GALNTL6: variants seen among roughly 807,000 people sequenced by gnomAD.
GALNTL6 encodes the protein polypeptide N-acetylgalactosaminyltransferase-like 6.
In GALNTL6, 46 loss-of-function variants were observed where a neutral mutation model predicts 73.7. The observed-to-expected ratio is 0.62, with a 90% CI of 0.49 to 0.80. The LOEUF (loss-of-function observed/expected upper bound fraction) is 0.80, where lower values mean the gene tolerates loss of function less well. GALNTL6 is among the 30% of genes least tolerant of loss of function. GALNTL6 has a pLI of 0.00. For synonymous variants in GALNTL6, 259 were observed against 263.7 expected, an observed-to-expected ratio of 0.98 and a Z score of 0.17; for missense variants, 604 against 755.0, an observed-to-expected ratio of 0.80 and a Z score of 2.34.
chr4:172,347,403 G>A lies in GALNTL6; in HGVS notation c.387-1120G>A, dbSNP rs75931151. On this transcript the variant is annotated intron_variant, in intron 4 of 12. Transcript: ENST00000506823. ...TTAAAAAACAATTGGCTTCATTGGG[G>A]ATATCACCTTCATTCTAAGAACACT... Among the ~76,000 whole-genome samples, 936 of 152,242 alleles carry A rather than the reference G, an allele frequency of 6.1e-3. 7 individuals carry two copies. The highest frequency in any genetic ancestry group is 0.02 in the African/African-American group (846 of 41,548).
chr4:172,857,193 A>G (rs1744163017), intron 7 of GALNTL6, among the ~76,000 whole-genome samples: 1 of 152,204 alleles, frequency 6.6e-6, no homozygotes, highest in East Asian at 1.9e-4. Flanking sequence ...GAAGCAAATG[A>G]AATATTATAA....
intron 2 of GALNTL6, among the ~76,000 whole-genome samples, chr4:171,916,280 G>C (rs1737624808): frequency 6.6e-6 from 1 of 151,890 alleles, no homozygotes; most frequent in South Asian, 2.1e-4. Flanking sequence ...ATACTTTGCA[G>C]ACTTAGTTGT....
chr4:172,703,092 G>A (rs756435335), intron 5 of GALNTL6, among the ~76,000 whole-genome samples: 13 of 151,860 alleles, frequency 8.6e-5, no homozygotes, highest in Non-Finnish European at 1.9e-4. Context: ...CCAAGTCAAT[G>A]TAAACCAATA....
intron 2 of GALNTL6, among the ~76,000 whole-genome samples, chr4:171,836,430 G>C (rs1735096874): frequency 6.6e-6 from 1 of 151,788 alleles, no homozygotes; most frequent in South Asian, 2.1e-4. Context: ...AAATACTTTA[G>C]ACAATAAAAA....
At chr4:172,774,572 G>T (rs576431210) in intron 5 of GALNTL6, among the ~76,000 whole-genome samples, 6 of 152,300 alleles carry the variant, frequency 3.9e-5, no homozygotes, top group African/African-American at 1.4e-4. Context: ...TATTGTTTAA[G>T]AATGAAGTCG....
chr4:172,684,348 G>T (rs1180975423), intron 5 of GALNTL6, among the ~76,000 whole-genome samples: 1 of 151,694 alleles, frequency 6.6e-6, no homozygotes, highest in East Asian at 1.9e-4. Flanking sequence ...CATTTATTTG[G>T]CAACTACCCT....
chr4:172,293,260 C>G (rs1739534176), intron 3 of GALNTL6, among the ~76,000 whole-genome samples: 1 of 152,018 alleles, frequency 6.6e-6, no homozygotes, highest in African/African-American at 2.4e-5. Context: ...CCTCATGCCC[C>G]CACCCTTTTT....
rs534417440 is a variant in GALNTL6 at position 172,218,432 on chromosome 4, C to T, written c.139-11224C>T. 4.6e-5 allele frequency among the ~76,000 whole-genome samples: 7 copies of T among 152,174 alleles called. No individual in the cohort carries two copies. In the South Asian group the frequency reaches 1.2e-3, roughly 27 times the overall value. The stretch of plus-strand genomic sequence containing the variant: ...TATGCTTAGTGTACAATGGGGGCTC[C>T]CTAAGACTATTGCTCCAGGAGTTTC... On this transcript the variant is annotated intron_variant, in intron 2 of 12. Coordinates refer to ENST00000506823, the MANE Select transcript of GALNTL6 (RefSeq NM_001034845.3).
intron 2 of GALNTL6, among the ~76,000 whole-genome samples, chr4:172,073,944 A>G (rs1349971746): frequency 6.6e-6 from 1 of 152,186 alleles, no homozygotes; most frequent in African/African-American, 2.4e-5. Flanking sequence ...ACTGATCTTG[A>G]CATCCAGAGA....
intron 5 of GALNTL6, among the ~76,000 whole-genome samples, chr4:172,435,670 T>A (rs1731610266): frequency 6.6e-6 from 1 of 152,142 alleles, no homozygotes; most frequent in Non-Finnish European, 1.5e-5. Context: ...AACAAGTATC[T>A]TTCATAATTA....
intron 8 of GALNTL6, among the ~76,000 whole-genome samples, chr4:172,887,412 T>C (rs1745777643): frequency 6.6e-6 from 1 of 152,144 alleles, no homozygotes; most frequent in Admixed American, 6.6e-5. Flanking sequence ...GGTAGTTCTA[T>C]TTTTATTTCT....
At chr4:172,659,077 C>G (rs1434918575) in intron 5 of GALNTL6, among the ~76,000 whole-genome samples, 2 of 152,184 alleles carry the variant, frequency 1.3e-5, no homozygotes, top group Admixed American at 6.5e-5. Flanking sequence ...CTCATCCACA[C>G]AAGCATCCTA....
chr4:173,010,479 T>A (rs1050194721), intron 11 of GALNTL6, among the ~76,000 whole-genome samples: 52 of 152,248 alleles, frequency 3.4e-4, no homozygotes, highest in African/African-American at 1.1e-3. Flanking sequence ...AACATGGGAG[T>A]GCAGGTGTCT....
intron 9 of GALNTL6, among the ~76,000 whole-genome samples, chr4:172,939,577 G>T (rs186506078): frequency 6.6e-6 from 1 of 152,172 alleles, no homozygotes; most frequent in Admixed American, 6.5e-5. Context: ...CCTACTATGT[G>T]CCAGGCAGAA....
chr4:172,494,570 A>G (rs534715522), intron 5 of GALNTL6, among the ~76,000 whole-genome samples: 108 of 152,292 alleles, frequency 7.1e-4, no homozygotes, highest in African/African-American at 2.5e-3. Flanking sequence ...CCTTCTGCAA[A>G]CTGGGGAGCA....
intron 2 of GALNTL6, among the ~76,000 whole-genome samples, chr4:171,967,597 C>A (rs1466028858): frequency 6.6e-6 from 1 of 151,790 alleles, no homozygotes; most frequent in Non-Finnish European, 1.5e-5. Context: ...ATTAGACAAC[C>A]ATTTATTATT....
intron 5 of GALNTL6, among the ~76,000 whole-genome samples, chr4:172,754,639 A>G (rs1421694784): frequency 6.6e-6 from 1 of 152,180 alleles, no homozygotes; most frequent in Non-Finnish European, 1.5e-5. Flanking sequence ...TAGGTTATCA[A>G]AAGTATCTCC....
chr4:172,784,306 C>T lies in GALNTL6; in HGVS notation c.554-25055C>T, dbSNP rs1243941852. Among the ~76,000 whole-genome samples the T allele has an allele frequency of 6.6e-5, 10 of 152,048 alleles. 1 individual carries two copies. In the East Asian group the frequency reaches 1.9e-3, roughly 29 times the overall value. On this transcript the variant is annotated intron_variant, in intron 5 of 12. Coordinates refer to ENST00000506823, the MANE Select transcript of GALNTL6 (RefSeq NM_001034845.3). Reference sequence around the variant, plus strand: ...TTCCTATATTTAATATAAGAAAGCACAACATTATTTTGAATTGCTCTTAGT... The same window carrying T: ...TTCCTATATTTAATATAAGAAAGCATAACATTATTTTGAATTGCTCTTAGT...
chr4:172,342,744 A>G (rs990200775), intron 4 of GALNTL6, among the ~76,000 whole-genome samples: 1 of 152,214 alleles, frequency 6.6e-6, no homozygotes, highest in Non-Finnish European at 1.5e-5. Flanking sequence ...AAGGCAGAAG[A>G]CTAAAATGAT....
Sources: gnomAD v4.1 joint callset for allele counts (sites outside exome capture counted in the v4.1 genomes callset) on GRCh38, gnomAD v4.1.1 for gene constraint, MANE v1.5 for transcripts, NCBI Gene and HGNC (gene_info 2026-07-23, HGNC 2026-07-21) for gene names.